Variants in GATA5 observed in about 807,000 individuals in gnomAD.
GATA5 encodes the protein transcription factor GATA-5.
GATA5 carries 27 observed loss-of-function variants against 35.0 expected under a neutral mutation model. The ratio of observed to expected loss-of-function variants is 0.77; its 90% CI spans 0.57 to 1.06. The LOEUF is 1.06. Ranked by LOEUF, GATA5 falls within the 50% of genes least tolerant of loss-of-function variation. The pLI is 0.00. For missense variants in GATA5, 612 were observed against 580.0 expected, an observed-to-expected ratio of 1.06 and a Z score of -0.57; for synonymous variants, 306 against 267.8, an observed-to-expected ratio of 1.14 and a Z score of -1.39.
Position 62,464,597 on chromosome 20 carries a change from G to A in GATA5, c.*239C>T. On this transcript the variant is annotated 3_prime_UTR_variant, in exon 7 of 7. Coordinates refer to ENST00000252997, the MANE Select transcript of GATA5 (RefSeq NM_080473.5). ...CGGAGCCTTGGGCCGCACCTGGGGA[G>A]TCCCTTGCTGTACGTGGGGTGGGAA... The A allele has an allele frequency of 2.4e-6, 1 of 415,646 alleles. No individual in the cohort carries two copies. 25.7% of individuals were successfully genotyped at this position (415,646 alleles called of 1,614,324 possible).
intron 3 of GATA5, among the ~76,000 whole-genome samples, chr20:62,469,952 C>T (rs1308806897): frequency 1.3e-5 from 2 of 152,192 alleles, no homozygotes; most frequent in Admixed American, 6.5e-5. Context: ...CACCATACCG[C>T]GACGATGCCT....
intron 3 of GATA5, among the ~76,000 whole-genome samples, 170 bp from the exon 4 acceptor site, chr20:62,466,721 C>T (rs1989602194): frequency 6.6e-6 from 1 of 152,210 alleles, no homozygotes; most frequent in African/African-American, 2.4e-5. Context: ...CTCTCGAGCC[C>T]TGGGAAAGGT....
In GATA5 at chr20:62,470,206, G is replaced by A. The variant is rs781802088; in HGVS notation, c.699+3197C>T. ...GGGCAGGGCCCGGGCCGGTGCTGGC[G>A]GAAATTCAAGGAAGGCGGGAGAGGG... On this transcript the variant is annotated intron_variant, in intron 3 of 6. Transcript: ENST00000252997. This position sits in a 1 kb window ranked among gnomAD's most constrained non-coding sequence, Gnocchi z 4.6. Among the ~76,000 whole-genome samples, 9 of 152,380 alleles carry A rather than the reference G, an allele frequency of 5.9e-5. No homozygotes were observed. Among genetic ancestry groups the A allele is most frequent in the East Asian group, 3.9e-4 (2 of 5,184 alleles).
chr20:62,465,701 G>A, intron 5 of GATA5, 133 bp downstream of exon 5: 1 of 870,306 alleles, frequency 1.1e-6, no homozygotes, highest in South Asian at 1.6e-5. Flanking sequence ...GGTCACCACA[G>A]GGCAGAGCTG....
Position 62,475,135 on chromosome 20 carries a change from C to T in GATA5, c.387G>A (p.Pro129=), listed in dbSNP as rs1989821994. The T allele has an allele frequency of 5.9e-6, 8 of 1,365,290 alleles. No individual in the cohort carries two copies. The highest frequency in any genetic ancestry group is 1.5e-5 in the African/African-American group (1 of 65,716). 84.6% of individuals were successfully genotyped at this position (1,365,290 alleles called of 1,614,324 possible). A position where few individuals can be genotyped will look rare whatever the true frequency, so the allele number is the denominator to read the frequency against. The change falls in exon 2 of 7, where the codon CCG becomes CCA. Residue 129 remains proline, a synonymous_variant. Transcript: ENST00000252997. ...ACGAGGTCCCCACCGGCCGCCCAAG[C>T]GGGGCCGCGAACTGTTCTCGAGGCA... The part of the protein sequence containing the change: ...ALLPREQFAA[P]LGRPVGTSYS...
chr20:62,475,110 A>G lies in GATA5; in HGVS notation c.412T>C (p.Tyr138His), dbSNP rs1450455667. The change falls in exon 2 of 7, where the codon TAC becomes CAC. Residue 138 changes from tyrosine (Y) to histidine (H), a missense_variant. Tyr to His is a moderately conservative substitution (Grantham distance 83). Coordinates refer to ENST00000252997, the MANE Select transcript of GATA5 (RefSeq NM_080473.5). Reference protein sequence around the residue: ...APLGRPVGTSYSATYPAYVSP... With the variant: ...APLGRPVGTSHSATYPAYVSP... ...ACGTAGGCCGGGTAGGTGGCGGAGT[A>G]CGAGGTCCCCACCGGCCGCCCAAGC... 8 of 1,392,016 alleles carry G rather than the reference A, an allele frequency of 5.7e-6. No individual in the cohort carries two copies. The highest frequency in any genetic ancestry group is 7.5e-6 in the Non-Finnish European group (8 of 1,069,610). The allele number at this position is 1,392,016 out of a possible 1,614,324, so 86.2% of individuals were successfully genotyped here. A position where few individuals can be genotyped will look rare whatever the true frequency, so the allele number is the denominator to read the frequency against.
At chr20:62,474,836 GT>G (rs1989812139) in intron 2 of GATA5, among the ~76,000 whole-genome samples, 162 bp downstream of exon 2, 1 of 152,268 alleles carries the variant, frequency 6.6e-6, no homozygotes, top group Admixed American at 6.5e-5. Context: ...CCCGTGCGGG[GT>G]GTTACCCAGG....
chr20:62,474,706 A>G (rs1989809221), intron 2 of GATA5, among the ~76,000 whole-genome samples: 1 of 152,384 alleles, frequency 6.6e-6, no homozygotes, highest in South Asian at 2.1e-4. Flanking sequence ...AACTTTTCAA[A>G]AACAAAAACA....
rs376834986 is a variant in GATA5 at position 62,464,458 on chromosome 20, T to C, written c.*378A>G. ...GTTTTACACTGGGAGGTTGACTGTTTTCCCCCAACTGCTACAACTTGTAAA... is the reference window on the plus strand; with the variant it reads ...GTTTTACACTGGGAGGTTGACTGTTCTCCCCCAACTGCTACAACTTGTAAA... On this transcript the variant is annotated 3_prime_UTR_variant, in exon 7 of 7. Transcript: ENST00000252997. The C allele has an allele frequency of 4.5e-4, 73 of 161,036 alleles. 1 individual carries two copies. The South Asian group carries it at 0.01, about 22-fold the overall frequency. 10.0% of individuals were successfully genotyped at this position (161,036 alleles called of 1,614,324 possible).
At chr20:62,472,223 G>A (rs1185510231) in intron 3 of GATA5, among the ~76,000 whole-genome samples, 2 of 152,014 alleles carry the variant, frequency 1.3e-5, no homozygotes, top group Non-Finnish European at 2.9e-5. Context: ...TGGGCCTGCA[G>A]AGCCCCAGGC....
In GATA5 at chr20:62,465,404, G is replaced by C; in HGVS notation, c.974C>G (p.Ala325Gly). The C allele has an allele frequency of 6.2e-7, 1 of 1,608,008 alleles. No homozygotes were observed. Among genetic ancestry groups the C allele is most frequent in the Non-Finnish European group, 8.5e-7 (1 of 1,179,674 alleles). ...SAVASTDSSA[A>G]TSKAKPSLAS... ...CAGGCTGGGCTTGGCTTTCGAAGTGGCTGCTGAGCTGTCAGTGCTGGCGAC... is the reference window on the plus strand; with the variant it reads ...CAGGCTGGGCTTGGCTTTCGAAGTGCCTGCTGAGCTGTCAGTGCTGGCGAC... Residue 325 changes from alanine (A) to glycine (G), a missense_variant, in exon 6 of 7, where the codon GCC (alanine) becomes GGC (glycine). By Grantham distance (60) the Ala-to-Gly change is moderately conservative (BLOSUM62 0). Coordinates refer to ENST00000252997, the MANE Select transcript of GATA5 (RefSeq NM_080473.5).
At chr20:62,466,073 G>A (rs1301936805) in intron 4 of GATA5, 152 bp from the exon 5 acceptor site, 5 of 654,392 alleles carry the variant, frequency 7.6e-6, no homozygotes, top group Non-Finnish European at 1.3e-5. Context: ...CAGCTGGGCT[G>A]GGTGAGGGGG....
intron 2 of GATA5, 28 bp from the exon 3 acceptor site, chr20:62,473,606 G>C (rs200354101): frequency 9.0e-6 from 14 of 1,559,576 alleles, no homozygotes; most frequent in African/African-American, 2.7e-5. Context: ...TGGTGGGCCC[G>C]GGCCCTCCCC....
At chr20:62,467,491 C>T (rs1338279624) in intron 3 of GATA5, among the ~76,000 whole-genome samples, 1 of 152,228 alleles carries the variant, frequency 6.6e-6, no homozygotes, top group African/African-American at 2.4e-5. Context: ...CCACCCTTCC[C>T]AGCCACTTGT....
At chr20:62,466,628 G>C in intron 3 of GATA5, 77 bp from the exon 4 acceptor site, 2 of 1,497,320 alleles carry the variant, frequency 1.3e-6, no homozygotes, top group Non-Finnish European at 1.8e-6. Context: ...GCGAGACTCA[G>C]GTCGGCCTTG....
Position 62,470,636 on chromosome 20 carries a change from A to G in GATA5, c.699+2767T>C, listed in dbSNP as rs2146485367. 6.6e-6 allele frequency among the ~76,000 whole-genome samples: 1 copy of G among 152,226 alleles called. No homozygotes were observed. The highest frequency in any genetic ancestry group is 1.9e-4 in the East Asian group (1 of 5,172). On this transcript the variant is annotated intron_variant, in intron 3 of 6. Transcript: ENST00000252997. The surrounding 1 kb of genome is among the most constrained non-coding windows in gnomAD (Gnocchi z 4.6). ...GAAGGGACGCTTGGCTCCATGCAAC[A>G]CTGGGCTACTTCCTGGAGCTGGTGC... is the stretch of plus-strand genomic sequence containing the variant.
rs1417342068 is a variant in GATA5 at position 62,475,021 on chromosome 20, G to A, written c.501C>T (p.Leu167=). Reference sequence around the variant, plus strand: ...CACCGAAGGTGGGCCTGCGGCCTGGGAGGCCGTGCAGGACGCTGCCATCGA... The same window carrying A: ...CACCGAAGGTGGGCCTGCGGCCTGGAAGGCCGTGCAGGACGCTGCCATCGA... ...GPFDGSVLHG[L]PGRRPTFVSD... is the part of the protein sequence containing the mutation. The change falls in exon 2 of 7, where the codon CTC becomes CTT. Residue 167 remains leucine (L), a synonymous_variant. Coordinates refer to ENST00000252997, the MANE Select transcript of GATA5 (RefSeq NM_080473.5). 2.9e-6 allele frequency: 4 copies of A among 1,372,020 alleles called. No homozygotes were observed. In the South Asian group the frequency reaches 4.9e-5, roughly 17 times the overall value. The allele number at this position is 1,372,020 out of a possible 1,614,324, so 85.0% of individuals were successfully genotyped here.
chr20:62,475,123 C>A lies in GATA5; in HGVS notation c.399G>T (p.Pro133=). Residue 133 remains proline (P), a synonymous_variant, in exon 2 of 7, where the codon CCG becomes CCT. Transcript: ENST00000252997. ...AGGTGGCGGAGTACGAGGTCCCCAC[C>A]GGCCGCCCAAGCGGGGCCGCGAACT... is the stretch of plus-strand genomic sequence containing the variant. ...REQFAAPLGR[P]VGTSYSATYP... is the part of the protein sequence containing the mutation. The A allele has an allele frequency of 7.3e-7, 1 of 1,377,512 alleles. No individual in the cohort carries two copies. Among genetic ancestry groups the A allele is most frequent in the South Asian group, 1.7e-5 (1 of 58,078 alleles). 85.3% of individuals were successfully genotyped at this position (1,377,512 alleles called of 1,614,324 possible).
intron 3 of GATA5, among the ~76,000 whole-genome samples, chr20:62,468,310 C>T (rs1457806031): frequency 6.6e-6 from 1 of 152,280 alleles, no homozygotes; most frequent in Non-Finnish European, 1.5e-5. Flanking sequence ...TTATAGCCTG[C>T]CTCGGTTTCC....
Sources: allele counts gnomAD v4.1 joint callset (sites outside exome capture counted in the v4.1 genomes callset), GRCh38; gene constraint gnomAD v4.1.1; non-coding constraint Gnocchi (gnomAD v3.1); transcripts MANE v1.5; gene names NCBI Gene and HGNC (gene_info 2026-07-23, HGNC 2026-07-21).